CHD6: variants seen among roughly 807,000 people sequenced by gnomAD.
The protein encoded by CHD6 is chromodomain helicase DNA binding protein 6, also known as ATP-dependent chromatin remodeler CHD6.
Under a neutral mutation model 276.9 loss-of-function variants are expected in CHD6, and 50 were observed. The ratio of observed to expected loss-of-function variants is 0.18; its 90% CI spans 0.14 to 0.23. The LOEUF (loss-of-function observed/expected upper bound fraction) is 0.23, where lower values mean the gene tolerates loss of function less well. Ranked by LOEUF, CHD6 falls within the 10% of genes least tolerant of loss-of-function variation. The pLI, the probability that CHD6 is intolerant of heterozygous loss-of-function variation, is 1.00. For missense variants in CHD6, 2,564 were observed against 3,365.8 expected, an observed-to-expected ratio of 0.76 and a Z score of 5.89; for synonymous variants, 1,173 against 1,229.3, an observed-to-expected ratio of 0.95 and a Z score of 0.96.
chr20:41,437,929 C>T (rs1393538191), intron 26 of CHD6, among the ~76,000 whole-genome samples: 1 of 152,030 alleles, frequency 6.6e-6, no homozygotes, highest in Non-Finnish European at 1.5e-5. Context: ...TCAACTGAGA[C>T]TGCAGCATGA....
At position 41,472,232 on chromosome 20, in the gene CHD6, ACT is replaced by A. The variant is rs1266777826; in HGVS notation, c.2664+1088_2664+1089del. ...TTCCACCCTGGGGGAATGGAGTGAG[ACT>A]CTGTCTCAAAAAAAAAAAAAAAAGA... On this transcript the variant is annotated intron_variant, in intron 17 of 36. Coordinates refer to ENST00000373233, the MANE Select transcript of CHD6 (RefSeq NM_032221.5). 4.5e-5 allele frequency among the ~76,000 whole-genome samples: 6 copies of A among 132,456 alleles called. No individual in the cohort carries two copies. The East Asian group carries it at 1.2e-3, about 27-fold the overall frequency. The allele number at this position is 132,456 out of a possible 152,430, so 86.9% of individuals were successfully genotyped here.
In CHD6 at chr20:41,449,291, C is replaced by T. The variant is rs192017286; in HGVS notation, c.3684-1320G>A. Among the ~76,000 whole-genome samples, 10 of 152,286 alleles carry T rather than the reference C, an allele frequency of 6.6e-5. No homozygotes were observed. In the East Asian group the frequency reaches 1.5e-3, roughly 23 times the overall value. ...TGCCAATCCTTAATTTGTAGATGGT[C>T]GTAGCTGTCAGCTTTAGTAAAAAGT... On this transcript the variant is annotated intron_variant, in intron 23 of 36. Transcript: ENST00000373233.
At chr20:41,406,568 G>C (rs1437221478) in intron 36 of CHD6, among the ~76,000 whole-genome samples, 1 of 152,236 alleles carries the variant, frequency 6.6e-6, no homozygotes, top group Non-Finnish European at 1.5e-5. Context: ...CTGCAGGGCA[G>C]AGAGGATGCA....
At chr20:41,560,005 G>T (rs187761156) in intron 1 of CHD6, among the ~76,000 whole-genome samples, 1 of 151,828 alleles carries the variant, frequency 6.6e-6, no homozygotes, top group African/African-American at 2.4e-5. Flanking sequence ...TCCCTTTCCC[G>T]TAACTCCTTT....
At position 41,407,086 on chromosome 20, in the gene CHD6, T is replaced by C. The variant is rs189184828; in HGVS notation, c.7252-1597A>G. ...TCAATGGTCACCATCAAGGCCGGAA[T>C]GCGCAGCCTACGGAGCAGCATGAGA... On this transcript the variant is annotated intron_variant, in intron 36 of 36. Coordinates refer to ENST00000373233, the MANE Select transcript of CHD6 (RefSeq NM_032221.5). Among the ~76,000 whole-genome samples, 7 of 152,258 alleles carry C rather than the reference T, an allele frequency of 4.6e-5. No individual in the cohort carries two copies. In the East Asian group the frequency reaches 1.4e-3, roughly 29 times the overall value.
At chr20:41,606,400 G>C (rs1320078555) in intron 1 of CHD6, among the ~76,000 whole-genome samples, 1 of 152,216 alleles carries the variant, frequency 6.6e-6, no homozygotes, top group East Asian at 1.9e-4. Context: ...TGTAGTTCCA[G>C]CTACTCAGGA....
chr20:41,423,039 G>GGATA (rs1410348180), intron 30 of CHD6, among the ~76,000 whole-genome samples: 1 of 152,174 alleles, frequency 6.6e-6, no homozygotes, highest in Non-Finnish European at 1.5e-5. Flanking sequence ...TTTCAAAAGG[G>GGATA]TTCTCTATTG....
intron 2 of CHD6, among the ~76,000 whole-genome samples, chr20:41,544,611 T>G (rs1357388363): frequency 6.6e-6 from 1 of 151,392 alleles, no homozygotes; most frequent in East Asian, 1.9e-4. Flanking sequence ...CAGTGCAATT[T>G]AAATATTAAA....
intron 22 of CHD6, 104 bp from the exon 23 acceptor site, chr20:41,451,209 T>C: frequency 1.0e-6 from 1 of 994,512 alleles, no homozygotes; most frequent in Non-Finnish European, 1.5e-6. Flanking sequence ...AGTTGGGCTG[T>C]GCTCTGGATG....
chr20:41,595,288 G>C (rs2045706341), intron 1 of CHD6, among the ~76,000 whole-genome samples: 1 of 152,208 alleles, frequency 6.6e-6, no homozygotes, highest in Admixed American at 6.5e-5. Flanking sequence ...CCTGGAAGTT[G>C]AAAGTGTGTG....
chr20:41,414,892 C>T (rs1007302981), intron 34 of CHD6: 33 of 1,266,816 alleles, frequency 2.6e-5, no homozygotes, highest in South Asian at 4.0e-5. Context: ...CTTGCTCTGC[C>T]GTGCCGTCAA....
In CHD6 at chr20:41,421,572, T is replaced by C; in HGVS notation, c.5063A>G (p.Asp1688Gly). Reference protein sequence around the residue: ...TCENFISKVQDVISINHDESL... With the variant: ...TCENFISKVQGVISINHDESL... ...TTCATCATGGTTGATGGAAATGACA[T>C]CCTGAACTTTAGAAATAAAGTTTTC... Residue 1688 changes from aspartate (D) to glycine (G), a missense_variant, in exon 31 of 37, where the codon GAT becomes GGT. This residue lies in a region of CHD6 where 1,024 missense variants were observed against 1,047.9 expected (regional missense o/e 0.98). Transcript: ENST00000373233. The C allele has an allele frequency of 6.2e-7, 1 of 1,613,750 alleles. No individual in the cohort carries two copies. The highest frequency in any genetic ancestry group is 8.5e-7 in the Non-Finnish European group (1 of 1,179,848).
At chr20:41,410,626 G>A (rs537669560) in intron 36 of CHD6, among the ~76,000 whole-genome samples, 4 of 152,188 alleles carry the variant, frequency 2.6e-5, no homozygotes, top group African/African-American at 4.8e-5. Context: ...GGCCTCCGAG[G>A]CAGGGAGTGT....
intron 1 of CHD6, among the ~76,000 whole-genome samples, chr20:41,579,174 C>A (rs1329085539): frequency 6.8e-6 from 1 of 146,132 alleles, no homozygotes; most frequent in East Asian, 2.0e-4. Context: ...TGGTGACTCA[C>A]GCCTGTAATC....
chr20:41,437,967 A>G (rs2047769327), intron 26 of CHD6, among the ~76,000 whole-genome samples: 1 of 152,192 alleles, frequency 6.6e-6, no homozygotes, highest in East Asian at 1.9e-4. Flanking sequence ...TACTCAGGCA[A>G]GTTCAGAAAA....
At chr20:41,544,708 A>G (rs2045007427) in intron 2 of CHD6, among the ~76,000 whole-genome samples, 1 of 150,290 alleles carries the variant, frequency 6.7e-6, no homozygotes, top group African/African-American at 2.4e-5. Context: ...TTTTAATACT[A>G]AAATATTACA....
At chr20:41,410,792 G>C (rs2046818669) in intron 36 of CHD6, among the ~76,000 whole-genome samples, 1 of 152,164 alleles carries the variant, frequency 6.6e-6, no homozygotes, top group South Asian at 2.1e-4. Flanking sequence ...CACGGGGAAA[G>C]AAACAAGCAA....
chr20:41,603,401 T>C (rs1354061067), intron 1 of CHD6, among the ~76,000 whole-genome samples: 1 of 152,178 alleles, frequency 6.6e-6, no homozygotes, highest in Non-Finnish European at 1.5e-5. Flanking sequence ...GTGTGTGTAC[T>C]AGGCACAATA....
At position 41,420,943 on chromosome 20, in the gene CHD6, T is replaced by C. The variant is rs1230289583; in HGVS notation, c.5692A>G (p.Thr1898Ala). The C allele has an allele frequency of 1.2e-6, 2 of 1,614,226 alleles. No individual in the cohort carries two copies. Among genetic ancestry groups the C allele is most frequent in the South Asian group, 1.1e-5 (1 of 91,082 alleles). The change falls in exon 31 of 37, where the codon ACT becomes GCT. Residue 1898 changes from threonine to alanine, a missense_variant. Thr to Ala is a moderately conservative substitution (Grantham distance 58). This residue lies in a region of CHD6 where 1,024 missense variants were observed against 1,047.9 expected (regional missense o/e 0.98). Coordinates refer to ENST00000373233, the MANE Select transcript of CHD6 (RefSeq NM_032221.5). ...TGGTTCTTTTCCCTTGAGATGTTAG[T>C]AGTGGGCTCCGTGAGATGCAATACC... ...PEVLHLTEPT[T>A]NISREKNQGF...
Sources: gnomAD v4.1 joint callset for allele counts (sites outside exome capture counted in the v4.1 genomes callset) on GRCh38, gnomAD v4.1.1 for gene constraint, gnomAD v4.1.1 regional missense constraint, MANE v1.5 for transcripts, NCBI Gene and HGNC (gene_info 2026-07-23, HGNC 2026-07-21) for gene names.